KIF3A: variants seen among roughly 807,000 people sequenced by gnomAD.
The protein encoded by KIF3A is kinesin family member 3A.
A neutral mutation model predicts 92.6 loss-of-function variants in KIF3A; 27 were observed. That is an observed-to-expected ratio of 0.29 (90% CI 0.21 to 0.40). KIF3A has a LOEUF of 0.40. Among genes scored for constraint, KIF3A ranks in the 10% least tolerant of loss-of-function variants. The pLI is 1.00. For synonymous variants in KIF3A, 250 were observed against 275.4 expected (o/e 0.91, Z 0.92); for missense variants, 581 against 872.6 (o/e 0.67, Z 4.21).
intron 4 of KIF3A, 107 bp from the exon 5 acceptor site, chr5:132,720,821 T>G: frequency 1.6e-6 from 1 of 628,904 alleles, no homozygotes. Flanking sequence ...AATATACTGA[T>G]AAGATAGACA....
At chr5:132,722,794 T>C (rs1753868991) in intron 4 of KIF3A, among the ~76,000 whole-genome samples, 1 of 152,204 alleles carries the variant, frequency 6.6e-6, no homozygotes, top group Non-Finnish European at 1.5e-5. Context: ...TCATTGGCAA[T>C]AACACCAATC....
At chr5:132,702,504 TC>T in intron 14 of KIF3A, 53 bp downstream of exon 14, 1 of 970,026 alleles carries the variant, frequency 1.0e-6, no homozygotes, top group African/African-American at 1.7e-5. Context: ...ATCAAAGAAC[TC>T]CCTTTTAAAA....
chr5:132,720,287 T>C (rs1200692032), intron 5 of KIF3A, among the ~76,000 whole-genome samples: 1 of 152,264 alleles, frequency 6.6e-6, no homozygotes, highest in Admixed American at 6.5e-5. Flanking sequence ...AGCATCTTTA[T>C]GAAGCACTTA....
intron 10 of KIF3A, 104 bp downstream of exon 10, chr5:132,708,803 A>G: frequency 1.5e-6 from 1 of 689,268 alleles, no homozygotes; most frequent in Middle Eastern, 2.5e-4. Flanking sequence ...TCCAACATGT[A>G]TTCTTTAGGT....
At chr5:132,717,414 C>T (rs749076913) in intron 5 of KIF3A, among the ~76,000 whole-genome samples, 2 of 151,894 alleles carry the variant, frequency 1.3e-5, no homozygotes, top group Non-Finnish European at 2.9e-5. Context: ...CACTTGAATC[C>T]GAGAGGTGGA....
In KIF3A at chr5:132,734,351, G is replaced by C; in HGVS notation, c.134C>G (p.Thr45Ser). ...AGAATCAGTCTTATGTACAGTGATAGTTCCCCTCATCTCATCCACACTGAC... is the reference window on the plus strand; with the variant it reads ...AGAATCAGTCTTATGTACAGTGATACTTCCCCTCATCTCATCCACACTGAC... ...QAVSVDEMRG[T>S]ITVHKTDSSN... Residue 45 changes from threonine (T) to serine (S), a missense_variant, in exon 2 of 19, where the codon ACT becomes AGT. Coordinates refer to ENST00000403231, the MANE Select transcript of KIF3A (RefSeq NM_001300791.2). 1.9e-6 allele frequency: 3 copies of C among 1,614,098 alleles called. No individual in the cohort carries two copies. Among genetic ancestry groups the C allele is most frequent in the Non-Finnish European group, 2.5e-6 (3 of 1,180,020 alleles).
intron 5 of KIF3A, among the ~76,000 whole-genome samples, chr5:132,718,608 CTTG>C (rs926923307): frequency 3.3e-5 from 5 of 151,754 alleles, no homozygotes; most frequent in South Asian, 2.1e-4. Context: ...CCACACTCAG[CTTG>C]TTGTTTTTTT....
chr5:132,716,114 A>G lies in KIF3A; in HGVS notation c.954+131T>C. 3.4e-6 allele frequency: 3 copies of G among 883,350 alleles called. No individual in the cohort carries two copies. In the East Asian group the frequency reaches 7.9e-5, roughly 23 times the overall value. The allele number at this position is 883,350 out of a possible 1,614,324, so 54.7% of individuals were successfully genotyped here. On this transcript the variant is annotated intron_variant, in intron 7 of 18. Coordinates refer to ENST00000403231, the MANE Select transcript of KIF3A (RefSeq NM_001300791.2). ...TTATGGGCTAATACACGAGTGTACCACAAAAAGGACAACCACAAGTCAAAA... is the reference window on the plus strand; with the variant it reads ...TTATGGGCTAATACACGAGTGTACCGCAAAAAGGACAACCACAAGTCAAAA...
Position 132,692,735 on chromosome 5 carries a change from A to C in KIF3A, c.*3899T>G, listed in dbSNP as rs896970667. On this transcript the variant is annotated 3_prime_UTR_variant, in exon 19 of 19. Coordinates refer to ENST00000403231, the MANE Select transcript of KIF3A (RefSeq NM_001300791.2). ...CAATTTATACATAAAATACAATGAA[A>C]GCATGGCTTTTGAAACTGATGCAAC... The C allele has an allele frequency of 6.5e-6, 1 of 152,756 alleles. No individual in the cohort carries two copies. Among genetic ancestry groups the C allele is most frequent in the African/African-American group, 2.4e-5 (1 of 41,450 alleles). 9.5% of individuals were successfully genotyped at this position (152,756 alleles called of 1,614,324 possible). A position where few individuals can be genotyped will look rare whatever the true frequency, so the allele number is the denominator to read the frequency against.
chr5:132,731,152 AAGGGGAT>A (rs1197203500), intron 2 of KIF3A, among the ~76,000 whole-genome samples: 2 of 152,226 alleles, frequency 1.3e-5, no homozygotes, highest in Non-Finnish European at 2.9e-5. Flanking sequence ...AACTGAAAAG[AAGGGGAT>A]ACTTTCTAAC....
chr5:132,694,213 G>C lies in KIF3A; in HGVS notation c.*2421C>G, dbSNP rs1198122767. ...AGCTCTAGGAGTTCAAGACAGGCCC[G>C]GGCAACATGGCAAAACCCCATCTCT... is the stretch of plus-strand genomic sequence containing the variant. On this transcript the variant is annotated 3_prime_UTR_variant, in exon 19 of 19. Transcript: ENST00000403231. 1 of 151,994 alleles carries C rather than the reference G, an allele frequency of 6.6e-6. No individual in the cohort carries two copies. The highest frequency in any genetic ancestry group is 2.1e-4 in the South Asian group (1 of 4,800). 9.4% of individuals were successfully genotyped at this position (151,994 alleles called of 1,614,324 possible). A position where few individuals can be genotyped will look rare whatever the true frequency, so the allele number is the denominator to read the frequency against.
chr5:132,697,492 T>C (rs1221422412), intron 18 of KIF3A: 1 of 149,818 alleles, frequency 6.7e-6, no homozygotes, highest in African/African-American at 2.5e-5. Context: ...CTCAAGTAAA[T>C]AATTCGAATT....
chr5:132,700,389 G>A, intron 16 of KIF3A, 105 bp from the exon 17 acceptor site: 1 of 760,298 alleles, frequency 1.3e-6, no homozygotes. Context: ...AGTAAAACAT[G>A]ATTTGAATGC....
In KIF3A at chr5:132,693,984, A is replaced by C. The variant is rs1043784569; in HGVS notation, c.*2650T>G. On this transcript the variant is annotated 3_prime_UTR_variant, in exon 19 of 19. Transcript: ENST00000403231. ...CGACAGAGTAAGACTCCGTCTCAAAAAAAAAAAAAAGATATTCAGGCCAGG... is the reference window on the plus strand; with the variant it reads ...CGACAGAGTAAGACTCCGTCTCAAACAAAAAAAAAAGATATTCAGGCCAGG... 3 of 152,008 alleles carry C rather than the reference A, an allele frequency of 2.0e-5. No individual in the cohort carries two copies. The highest frequency in any genetic ancestry group is 7.3e-5 in the African/African-American group (3 of 41,332). The allele number at this position is 152,008 out of a possible 1,614,324, so 9.4% of individuals were successfully genotyped here.
At chr5:132,724,680 T>C (rs1011472001) in intron 4 of KIF3A, among the ~76,000 whole-genome samples, 20 of 150,474 alleles carry the variant, frequency 1.3e-4, no homozygotes, top group Admixed American at 3.3e-4. Context: ...CATTAGGAGA[T>C]ATACCTAATG....
At chr5:132,711,371 C>G (rs949845581) in intron 8 of KIF3A, among the ~76,000 whole-genome samples, 1 of 152,176 alleles carries the variant, frequency 6.6e-6, no homozygotes, top group Non-Finnish European at 1.5e-5. Flanking sequence ...GCAGGCAGAT[C>G]ACTTGAGGCC....
chr5:132,709,036 AAC>A (rs1300801057), intron 9 of KIF3A, 58 bp from the exon 10 acceptor site: 38 of 1,280,006 alleles, frequency 3.0e-5, no homozygotes, highest in Admixed American at 1.4e-4. Context: ...CAAGAAAATG[AAC>A]ACACACACAG....
intron 1 of KIF3A, among the ~76,000 whole-genome samples, chr5:132,737,124 A>G (rs1042960276): frequency 1.3e-5 from 2 of 152,234 alleles, no homozygotes; most frequent in African/African-American, 4.8e-5. Flanking sequence ...GCTGCGAGCC[A>G]GAGCGCATCC....
chr5:132,723,409 G>C (rs532048069), intron 4 of KIF3A: 4 of 152,148 alleles, frequency 2.6e-5, no homozygotes, highest in Admixed American at 6.5e-5. Context: ...ATACTACAAG[G>C]CTACAGTAAC....
Sources: allele counts gnomAD v4.1 joint callset (sites outside exome capture counted in the v4.1 genomes callset), GRCh38; gene constraint gnomAD v4.1.1; transcripts MANE v1.5; gene names NCBI Gene and HGNC (gene_info 2026-07-23, HGNC 2026-07-21).